PDE8B: variants seen among roughly 807,000 people sequenced by gnomAD.
The protein encoded by PDE8B is high affinity cAMP-specific and IBMX-insensitive 3',5'-cyclic phosphodiesterase 8B.
A neutral mutation model predicts 101.3 loss-of-function variants in PDE8B; 26 were observed. That is an observed-to-expected ratio of 0.26 (90% CI 0.19 to 0.36). The LOEUF is 0.36. Among genes scored for constraint, PDE8B ranks in the 10% least tolerant of loss-of-function variants. The pLI, the probability that PDE8B is intolerant of heterozygous loss-of-function variation, is 1.00. For synonymous variants in PDE8B, 424 were observed against 429.3 expected (o/e 0.99, Z 0.15); for missense variants, 810 against 1,163.1 (o/e 0.70, Z 4.42).
At chr5:77,178,401 T>G in the PDE8B span, among the ~76,000 whole-genome samples, 2 of 152,248 alleles carry the variant, frequency 1.3e-5, no homozygotes, top group Non-Finnish European at 2.9e-5. Flanking sequence ...TTGCTTTACC[T>G]TCCACAAATC....
intron 1 of PDE8B, among the ~76,000 whole-genome samples, chr5:77,223,541 GAA>G (rs1223208605): frequency 1.3e-5 from 2 of 152,040 alleles, no homozygotes; most frequent in Admixed American, 1.3e-4. Flanking sequence ...GGAAGAAAGT[GAA>G]ATTTACATCA....
the PDE8B span, among the ~76,000 whole-genome samples, chr5:77,192,290 G>A: frequency 5.3e-5 from 8 of 152,264 alleles, no homozygotes; most frequent in South Asian, 2.1e-4. Context: ...ATATAGACCA[G>A]TTCTATCAGC....
chr5:77,088,335 G>GCTGA, the PDE8B span: 1 of 152,220 alleles, frequency 6.6e-6, no homozygotes, highest in Non-Finnish European at 1.5e-5. Flanking sequence ...CTTACCATCA[G>GCTGA]CTGACGGCTT....
chr5:77,218,340 C>T, intron 1 of PDE8B, among the ~76,000 whole-genome samples: 1 of 152,202 alleles, frequency 6.6e-6, no homozygotes, highest in Non-Finnish European at 1.5e-5. Context: ...CTATGAGCTA[C>T]ACGTTATTAT....
the PDE8B span, chr5:77,140,800 T>C: frequency 6.6e-5 from 10 of 152,206 alleles, no homozygotes; most frequent in African/African-American, 2.4e-4. Flanking sequence ...GCAACCCCCA[T>C]TTCCTAGGCT....
chr5:77,332,542 G>C (rs926842869), intron 5 of PDE8B, among the ~76,000 whole-genome samples: 9 of 152,160 alleles, frequency 5.9e-5, no homozygotes, highest in Non-Finnish European at 1.3e-4. Context: ...CTTGGTAAGA[G>C]TAATCTGAAT....
chr5:77,116,218 A>ATT, the PDE8B span, among the ~76,000 whole-genome samples: 2 of 75,142 alleles, frequency 2.7e-5, no homozygotes, highest in African/African-American at 1.5e-4. Flanking sequence ...ATATATATAT[A>ATT]TATATATTTT....
intron 1 of PDE8B, chr5:77,291,562 T>A: frequency 6.3e-7 from 1 of 1,599,988 alleles, no homozygotes; most frequent in Non-Finnish European, 8.6e-7. Context: ...AGTAGCAACT[T>A]TACCAAAGAT....
intron 18 of PDE8B, 75 bp from the exon 19 acceptor site, chr5:77,419,692 T>C (rs529470802): frequency 6.5e-7 from 1 of 1,549,460 alleles, no homozygotes; most frequent in Admixed American, 1.7e-5. Context: ...GTGAGGAGTG[T>C]AGTGAAATGG....
At chr5:77,408,050 C>G (rs1045729087) in intron 13 of PDE8B, among the ~76,000 whole-genome samples, 1 of 152,196 alleles carries the variant, frequency 6.6e-6, no homozygotes, top group African/African-American at 2.4e-5. Context: ...GAACACCCAG[C>G]TTCTGTGCAG....
At chr5:77,184,044 T>G in the PDE8B span, among the ~76,000 whole-genome samples, 2 of 152,040 alleles carry the variant, frequency 1.3e-5, no homozygotes, top group Non-Finnish European at 2.9e-5. Flanking sequence ...ATTGGCTCAC[T>G]GCAGGCTTGA....
At chr5:77,132,488 A>G in the PDE8B span, among the ~76,000 whole-genome samples, 1 of 152,124 alleles carries the variant, frequency 6.6e-6, no homozygotes, top group African/African-American at 2.4e-5. Context: ...CCTTCTACAT[A>G]CCTCTAAATA....
the PDE8B span, among the ~76,000 whole-genome samples, chr5:77,194,098 T>A: frequency 0.03 from 4,525 of 152,312 alleles, 239 homozygotes; most frequent in African/African-American, 0.1. Flanking sequence ...TTCTACTTCC[T>A]CTTTCCCAGA....
intron 1 of PDE8B, among the ~76,000 whole-genome samples, chr5:77,243,443 A>G (rs1756194907): frequency 2.6e-5 from 4 of 152,178 alleles, no homozygotes; most frequent in Non-Finnish European, 4.4e-5. Flanking sequence ...TGGCAACATC[A>G]CTACAATCTA....
chr5:77,306,535 G>A (rs1163251017), intron 1 of PDE8B, among the ~76,000 whole-genome samples: 2 of 152,172 alleles, frequency 1.3e-5, no homozygotes, highest in African/African-American at 4.8e-5. Flanking sequence ...TTGTCAGAGG[G>A]CAAGGGCGTT....
the PDE8B span, among the ~76,000 whole-genome samples, chr5:77,118,020 C>T: frequency 5.7e-4 from 87 of 152,066 alleles, no homozygotes; most frequent in African/African-American, 2.0e-3. Flanking sequence ...CTGAAAGCTC[C>T]GCCTCCCAGG....
At chr5:77,197,087 T>C in the PDE8B span, among the ~76,000 whole-genome samples, 1 of 151,606 alleles carries the variant, frequency 6.6e-6, no homozygotes, top group East Asian at 1.9e-4. Flanking sequence ...GGTTTATCTA[T>C]TGTACTGACC....
the PDE8B span, among the ~76,000 whole-genome samples, chr5:77,116,224 A>ATATATTTTTTTTT: frequency 1.7e-5 from 1 of 59,610 alleles, no homozygotes; most frequent in African/African-American, 7.2e-5. Context: ...ATATATATAT[A>ATATATTTTTTTTT]TTTTTTTTTT....
intron 1 of PDE8B, among the ~76,000 whole-genome samples, chr5:77,296,106 T>C (rs185578040): frequency 3.9e-5 from 6 of 152,112 alleles, no homozygotes; most frequent in Admixed American, 3.9e-4. Flanking sequence ...GAAAATGAAA[T>C]GCTTAGTTAT....
Sources: gnomAD v4.1 joint callset for allele counts (sites outside exome capture counted in the v4.1 genomes callset) on GRCh38, gnomAD v4.1.1 for gene constraint, MANE v1.5 for transcripts, NCBI Gene and HGNC (gene_info 2026-07-23, HGNC 2026-07-21) for gene names.